TMEFF2: variants seen among roughly 807,000 people sequenced by gnomAD.
TMEFF2 encodes the protein transmembrane protein with EGF like and two follistatin like domains 2.
A neutral mutation model predicts 53.8 loss-of-function variants in TMEFF2; 28 were observed. That is an observed-to-expected ratio of 0.52 (90% CI 0.39 to 0.71). TMEFF2 has a LOEUF of 0.71. Ranked by LOEUF, TMEFF2 falls within the 30% of genes least tolerant of loss-of-function variation. The pLI, the probability that TMEFF2 is intolerant of heterozygous loss-of-function variation, is 0.00. For missense variants in TMEFF2, 353 were observed against 455.2 expected (o/e 0.78, Z 2.04); for synonymous variants, 162 against 166.3 (o/e 0.97, Z 0.20).
chr2:191,997,988 G>T lies in TMEFF2; in HGVS notation c.745+274C>A, dbSNP rs532262861. On this transcript the variant is annotated intron_variant, in intron 7 of 9. Coordinates refer to ENST00000272771, the MANE Select transcript of TMEFF2 (RefSeq NM_016192.4). ...CATTGATGCTATTAATTTGATAAAT[G>T]TTTTGTTATTTGTACTATTTGCACT... Among the ~76,000 whole-genome samples the T allele has an allele frequency of 3.9e-5, 6 of 151,938 alleles. No individual in the cohort carries two copies. The South Asian group carries it at 1.2e-3, about 32-fold the overall frequency.
rs1687676470 is a variant in TMEFF2, at chr2:192,048,361, A to ACACACACACACACAC, written c.536+9317_536+9318insGTGTGTGTGTGTGTG. ...GTAAAATATTATTAGATTCTCATAA[A>ACACACACACACACAC]ACACACACACACACACACACACACA... is the stretch of plus-strand genomic sequence containing the variant. On this transcript the variant is annotated intron_variant, in intron 5 of 9. Transcript: ENST00000272771. Among the ~76,000 whole-genome samples the ACACACACACACACAC allele has an allele frequency of 2.3e-3, 327 of 143,250 alleles. 3 individuals carry two copies. Among genetic ancestry groups the ACACACACACACACAC allele is most frequent in the African/African-American group, 7.9e-3 (302 of 38,324 alleles). The allele number at this position is 143,250 out of a possible 152,430, so 94.0% of individuals were successfully genotyped here.
At chr2:192,084,409 A>G (rs1480217679) in intron 4 of TMEFF2, among the ~76,000 whole-genome samples, 2 of 152,204 alleles carry the variant, frequency 1.3e-5, no homozygotes, top group Admixed American at 1.3e-4. Context: ...TGGGTGCTTA[A>G]TAAGTGCCTT....
intron 7 of TMEFF2, among the ~76,000 whole-genome samples, chr2:191,992,350 CTGAAT>C (rs1164508647): frequency 6.6e-6 from 1 of 152,006 alleles, no homozygotes; most frequent in Non-Finnish European, 1.5e-5. Flanking sequence ...TGCCACATGA[CTGAAT>C]TAATTCATTT....
At chr2:192,053,852 C>T (rs1687832792) in intron 5 of TMEFF2, among the ~76,000 whole-genome samples, 1 of 152,054 alleles carries the variant, frequency 6.6e-6, no homozygotes, top group African/African-American at 2.4e-5. Context: ...ATTCCTGTGT[C>T]CTTCAGCTGT....
At chr2:192,190,591 T>C (rs190575376) in intron 2 of TMEFF2, among the ~76,000 whole-genome samples, 1 of 152,274 alleles carries the variant, frequency 6.6e-6, no homozygotes, top group Admixed American at 6.5e-5. Flanking sequence ...TCTGACACTA[T>C]GGTATGGTCT....
At chr2:192,018,471 A>G (rs1259409104) in intron 5 of TMEFF2, among the ~76,000 whole-genome samples, 2 of 152,064 alleles carry the variant, frequency 1.3e-5, no homozygotes, top group African/African-American at 4.8e-5. Flanking sequence ...ATACGCTTTA[A>G]TCATTTAGAG....
chr2:192,051,825 A>G (rs1687781126), intron 5 of TMEFF2, among the ~76,000 whole-genome samples: 1 of 152,208 alleles, frequency 6.6e-6, no homozygotes, highest in Admixed American at 6.5e-5. Flanking sequence ...TCTTTGTAAG[A>G]GACACCCAGA....
chr2:191,985,317 T>C (rs1021097232), intron 7 of TMEFF2, among the ~76,000 whole-genome samples: 1 of 152,090 alleles, frequency 6.6e-6, no homozygotes, highest in Non-Finnish European at 1.5e-5. Flanking sequence ...GTCCCAAGTA[T>C]TTTTCACAAA....
chr2:192,075,332 T>TATATATATATATATATAC lies in TMEFF2; in HGVS notation c.440-17558_440-17557insGTATATATATATATATAT, dbSNP rs796267672. ...ATATATATATATATATATATATATA[T>TATATATATATATATATAC]ACATACATACTATGTATATCCTTGC... On this transcript the variant is annotated intron_variant, in intron 4 of 9. Transcript: ENST00000272771. Among the ~76,000 whole-genome samples the TATATATATATATATATAC allele has an allele frequency of 1.3e-3, 118 of 88,134 alleles. 6 individuals are homozygous for TATATATATATATATATAC. Among genetic ancestry groups the TATATATATATATATATAC allele is most frequent in the African/African-American group, 4.6e-3 (113 of 24,404 alleles). The allele number at this position is 88,134 out of a possible 152,430, so 57.8% of individuals were successfully genotyped here. A position where few individuals can be genotyped will look rare whatever the true frequency, so the allele number is the denominator to read the frequency against.
At chr2:192,127,549 T>C (rs925023080) in intron 4 of TMEFF2, among the ~76,000 whole-genome samples, 1 of 152,202 alleles carries the variant, frequency 6.6e-6, no homozygotes, top group Non-Finnish European at 1.5e-5. Context: ...CCTCTTTATT[T>C]TGGGGAAACC....
chr2:192,027,367 T>A (rs1686995346), intron 5 of TMEFF2, among the ~76,000 whole-genome samples: 1 of 152,182 alleles, frequency 6.6e-6, no homozygotes, highest in South Asian at 2.1e-4. Context: ...TGTTGTATAT[T>A]ACATATGATA....
At chr2:192,135,488 C>G (rs548612538) in intron 4 of TMEFF2, among the ~76,000 whole-genome samples, 3 of 152,008 alleles carry the variant, frequency 2.0e-5, no homozygotes, top group African/African-American at 7.2e-5. Flanking sequence ...CCAACAATAC[C>G]ACCCCTTTCC....
chr2:192,098,379 C>A (rs1296382778), intron 4 of TMEFF2, among the ~76,000 whole-genome samples: 2 of 152,092 alleles, frequency 1.3e-5, no homozygotes, highest in Non-Finnish European at 2.9e-5. Flanking sequence ...GTCTGCCATT[C>A]GGAATTAAAA....
chr2:191,999,866 T>C (rs1412795721), intron 5 of TMEFF2, among the ~76,000 whole-genome samples: 1 of 151,938 alleles, frequency 6.6e-6, no homozygotes, highest in Non-Finnish European at 1.5e-5. Flanking sequence ...AGGGTTGTCT[T>C]GGGCCCCTTT....
chr2:192,165,417 G>C (rs950308811), intron 4 of TMEFF2, among the ~76,000 whole-genome samples: 1 of 152,064 alleles, frequency 6.6e-6, no homozygotes, highest in African/African-American at 2.4e-5. Flanking sequence ...GCTATAAAAT[G>C]CCTGACACAT....
intron 5 of TMEFF2, among the ~76,000 whole-genome samples, chr2:192,049,913 AT>A (rs1687725723): frequency 6.6e-6 from 1 of 152,156 alleles, no homozygotes; most frequent in African/African-American, 2.4e-5. Context: ...AGGCAGGGGA[AT>A]GGTGTGAACC....
chr2:192,168,790 A>C (rs1433350812), intron 4 of TMEFF2, among the ~76,000 whole-genome samples: 1 of 151,892 alleles, frequency 6.6e-6, no homozygotes, highest in Non-Finnish European at 1.5e-5. Context: ...ATGTGAGTGG[A>C]AACATTTAGA....
chr2:192,164,793 C>T (rs1207644903), intron 4 of TMEFF2, among the ~76,000 whole-genome samples: 1 of 151,368 alleles, frequency 6.6e-6, no homozygotes, highest in Non-Finnish European at 1.5e-5. Flanking sequence ...TGGTTCATGT[C>T]TGTTTTTTCT....
intron 4 of TMEFF2, among the ~76,000 whole-genome samples, chr2:192,146,794 T>C (rs1418197331): frequency 6.6e-6 from 1 of 152,134 alleles, no homozygotes; most frequent in Non-Finnish European, 1.5e-5. Flanking sequence ...CAGAGCCATA[T>C]TCATGGCTTA....
Sources: allele counts gnomAD v4.1 joint callset (sites outside exome capture counted in the v4.1 genomes callset), GRCh38; gene constraint gnomAD v4.1.1; transcripts MANE v1.5; gene names NCBI Gene and HGNC (gene_info 2026-07-23, HGNC 2026-07-21).